ZBTB7C: variants seen among roughly 807,000 people sequenced by gnomAD.
ZBTB7C encodes zinc finger and BTB domain containing 7C, also known as zinc finger and BTB domain-containing protein 7C.
In ZBTB7C, 8 loss-of-function variants were observed where a neutral mutation model predicts 25.7. That is an observed-to-expected ratio of 0.31 (90% CI 0.18 to 0.56). The LOEUF (loss-of-function observed/expected upper bound fraction) is 0.56, where lower values mean the gene tolerates loss of function less well. Ranked by LOEUF, ZBTB7C falls within the 20% of genes least tolerant of loss-of-function variation. The pLI, the probability that ZBTB7C is intolerant of heterozygous loss-of-function variation, is 0.91. For missense variants in ZBTB7C, 824 were observed against 855.2 expected (o/e 0.96, Z 0.46); for synonymous variants, 394 against 369.0 (o/e 1.07, Z -0.78).
At chr18:48,200,928 C>T (rs1272966699) in intron 2 of ZBTB7C, among the ~76,000 whole-genome samples, 1 of 152,198 alleles carries the variant, frequency 6.6e-6, no homozygotes, top group African/African-American at 2.4e-5. Flanking sequence ...GTGTGTGGCT[C>T]ACGCCTGACC....
At chr18:48,073,486 T>A (rs2037633544) in intron 3 of ZBTB7C, among the ~76,000 whole-genome samples, 1 of 151,792 alleles carries the variant, frequency 6.6e-6, no homozygotes, top group Non-Finnish European at 1.5e-5. Context: ...CAGGAAACAA[T>A]GCAAACAGAA....
chr18:48,063,616 T>C (rs553181063), intron 3 of ZBTB7C, among the ~76,000 whole-genome samples: 6 of 152,310 alleles, frequency 3.9e-5, no homozygotes, highest in Admixed American at 3.9e-4. Flanking sequence ...GGTGACAGTA[T>C]GTGTTATAGA....
chr18:48,165,828 G>A (rs1034408565), intron 3 of ZBTB7C, among the ~76,000 whole-genome samples: 1 of 152,194 alleles, frequency 6.6e-6, no homozygotes, highest in Non-Finnish European at 1.5e-5. Flanking sequence ...TTCTCGCCAC[G>A]TAAGCCTCAT....
At chr18:48,137,026 C>A in intron 3 of ZBTB7C, 2 of 985,294 alleles carry the variant, frequency 2.0e-6, no homozygotes, top group African/African-American at 3.5e-5. Context: ...CCGGGGACGC[C>A]GCGCTCGTGC....
chr18:48,351,898 G>A (rs1190489039), intron 1 of ZBTB7C, among the ~76,000 whole-genome samples: 1 of 152,160 alleles, frequency 6.6e-6, no homozygotes, highest in Non-Finnish European at 1.5e-5. Context: ...GGAGGGGGCT[G>A]GAGCAGACAG....
intron 2 of ZBTB7C, among the ~76,000 whole-genome samples, chr18:48,208,605 T>A (rs1250014131): frequency 6.6e-6 from 1 of 152,068 alleles, no homozygotes; most frequent in Non-Finnish European, 1.5e-5. Flanking sequence ...TCCTTAAGAT[T>A]TCCACCCACT....
chr18:48,255,957 C>G (rs2044009204), intron 2 of ZBTB7C, among the ~76,000 whole-genome samples: 1 of 151,874 alleles, frequency 6.6e-6, no homozygotes, highest in Non-Finnish European at 1.5e-5. Context: ...CAAAAAGAAA[C>G]ACATAGAGAA....
At chr18:48,032,305 C>T (rs56754419) in intron 4 of ZBTB7C, among the ~76,000 whole-genome samples, 5,175 of 150,996 alleles carry the variant, frequency 0.034, 285 homozygotes, top group African/African-American at 0.12. Context: ...TAAGTAGAAA[C>T]GGGCCTTCAC....
chr18:48,228,775 T>A (rs1599146260), intron 2 of ZBTB7C, among the ~76,000 whole-genome samples: 1 of 76,826 alleles, frequency 1.3e-5, no homozygotes, highest in Non-Finnish European at 3.4e-5. Context: ...ACACACACAC[T>A]CGTGCTCATA....
At chr18:48,190,501 A>G (rs2042167271) in intron 2 of ZBTB7C, among the ~76,000 whole-genome samples, 1 of 152,182 alleles carries the variant, frequency 6.6e-6, no homozygotes, top group African/African-American at 2.4e-5. Context: ...AGTGTCATCC[A>G]GCTAGCAGAC....
At chr18:48,364,540 T>A (rs2047180966) in intron 1 of ZBTB7C, among the ~76,000 whole-genome samples, 1 of 152,190 alleles carries the variant, frequency 6.6e-6, no homozygotes, top group Non-Finnish European at 1.5e-5. Context: ...AGAGACCAGT[T>A]TGACTGGCAT....
intron 3 of ZBTB7C, among the ~76,000 whole-genome samples, chr18:48,080,708 G>T (rs1024710455): frequency 6.6e-6 from 1 of 152,214 alleles, no homozygotes; most frequent in African/African-American, 2.4e-5. Flanking sequence ...ACCAGCCACT[G>T]TGAGCTTGGC....
intron 2 of ZBTB7C, among the ~76,000 whole-genome samples, chr18:48,240,408 G>A (rs1369208158): frequency 6.6e-6 from 1 of 152,170 alleles, no homozygotes; most frequent in Non-Finnish European, 1.5e-5. Context: ...GTTATCTAAA[G>A]TCAGGATGAA....
At chr18:48,142,727 G>C (rs1165780690) in intron 3 of ZBTB7C, among the ~76,000 whole-genome samples, 1 of 150,456 alleles carries the variant, frequency 6.6e-6, no homozygotes, top group East Asian at 1.9e-4. Context: ...ATTTGGCCAA[G>C]GTGGGATAGT....
intron 3 of ZBTB7C, among the ~76,000 whole-genome samples, chr18:48,168,695 T>C (rs975118765): frequency 2.0e-5 from 3 of 152,198 alleles, no homozygotes; most frequent in African/African-American, 7.2e-5. Context: ...CTTGAAAGCT[T>C]ATCACCTGTC....
At chr18:48,391,324 T>G (rs1397204164) in intron 1 of ZBTB7C, among the ~76,000 whole-genome samples, 1 of 152,222 alleles carries the variant, frequency 6.6e-6, no homozygotes, top group African/African-American at 2.4e-5. Context: ...GTTGTCAATG[T>G]TACTCTGATC....
intron 1 of ZBTB7C, among the ~76,000 whole-genome samples, chr18:48,362,151 C>T (rs2047121011): frequency 6.6e-6 from 1 of 152,232 alleles, no homozygotes; most frequent in South Asian, 2.1e-4. Context: ...CAAGACCTCA[C>T]TGACAGAGCA....
chr18:48,284,244 G>A (rs1043810854), intron 2 of ZBTB7C, among the ~76,000 whole-genome samples: 7 of 152,244 alleles, frequency 4.6e-5, no homozygotes, highest in Middle Eastern at 3.4e-3. Flanking sequence ...TGCTGAGTTC[G>A]AGACCAGCTT....
chr18:48,367,186 TATATATATATATATATAC>T, intron 1 of ZBTB7C, among the ~76,000 whole-genome samples: 1 of 22,474 alleles, frequency 4.4e-5, no homozygotes, highest in East Asian at 3.6e-3. Context: ...TATATATATA[TATATATATATATATATAC>T]ACACACACAC....
Sources: allele counts gnomAD v4.1 joint callset (sites outside exome capture counted in the v4.1 genomes callset), GRCh38; gene constraint gnomAD v4.1.1; transcripts MANE v1.5; gene names NCBI Gene and HGNC (gene_info 2026-07-23, HGNC 2026-07-21).